VPS53: variants seen among roughly 807,000 people sequenced by gnomAD.
VPS53 encodes VPS53 subunit of GARP complex.
Under a neutral mutation model 107.0 loss-of-function variants are expected in VPS53, and 70 were observed. The observed-to-expected ratio is 0.65, with a 90% CI of 0.54 to 0.80. VPS53 has a LOEUF of 0.80. VPS53 is among the 30% of genes least tolerant of loss of function. VPS53 has a pLI of 0.00. For synonymous variants in VPS53, 409 were observed against 393.3 expected (o/e 1.04, Z -0.47); for missense variants, 917 against 1,049.4 (o/e 0.87, Z 1.74).
At chr17:687,720 AAAGT>A (rs1295223209) in intron 4 of VPS53, among the ~76,000 whole-genome samples, 4 of 152,214 alleles carry the variant, frequency 2.6e-5, no homozygotes, top group African/African-American at 9.6e-5. Flanking sequence ...CCTGGGCAAC[AAAGT>A]AAGACCCTGT....
In VPS53 at chr17:646,386, G is replaced by A. The variant is rs989370619; in HGVS notation, c.608+6905C>T. ...GGCTCCCACACACATCTCCGTGACC[G>A]TGTGGCCACTGCCTCCTAAGGGTCT... On this transcript the variant is annotated intron_variant, in intron 7 of 21. Coordinates refer to ENST00000437048, the MANE Select transcript of VPS53 (RefSeq NM_001128159.3). Among the ~76,000 whole-genome samples, 128 of 117,718 alleles carry A rather than the reference G, an allele frequency of 1.1e-3. 11 individuals carry two copies. Among genetic ancestry groups the A allele is most frequent in the African/African-American group, 2.9e-3 (100 of 34,736 alleles). The allele number at this position is 117,718 out of a possible 152,430, so 77.2% of individuals were successfully genotyped here. A position where few individuals can be genotyped will look rare whatever the true frequency, so the allele number is the denominator to read the frequency against.
chr17:548,983 T>A (rs758366045), intron 17 of VPS53, among the ~76,000 whole-genome samples: 1 of 152,214 alleles, frequency 6.6e-6, no homozygotes, highest in Non-Finnish European at 1.5e-5. Context: ...ATTTTGTACT[T>A]TTCTTATGGC....
intron 17 of VPS53, among the ~76,000 whole-genome samples, chr17:546,708 C>T (rs553070570): frequency 2.8e-4 from 42 of 151,984 alleles, no homozygotes; most frequent in Non-Finnish European, 6.2e-4. Flanking sequence ...AAAAGGAAAA[C>T]AAGTGTGGGA....
intron 2 of VPS53, among the ~76,000 whole-genome samples, chr17:709,198 G>A (rs1973538445): frequency 7.9e-6 from 1 of 125,866 alleles, no homozygotes; most frequent in Non-Finnish European, 1.9e-5. Flanking sequence ...GCTCTGTCAC[G>A]GAACCTGCCT....
At chr17:658,812 T>G (rs1971321640) in intron 5 of VPS53, among the ~76,000 whole-genome samples, 1 of 152,128 alleles carries the variant, frequency 6.6e-6, no homozygotes, top group African/African-American at 2.4e-5. Flanking sequence ...GATAGATACA[T>G]CCCACTGAAG....
chr17:666,935 A>T (rs1971715967), intron 4 of VPS53, among the ~76,000 whole-genome samples: 1 of 152,058 alleles, frequency 6.6e-6, no homozygotes, highest in African/African-American at 2.4e-5. Flanking sequence ...AAAAATGAAG[A>T]CAGCTGCTAC....
At chr17:548,205 C>T (rs1164741273) in intron 17 of VPS53, among the ~76,000 whole-genome samples, 15 of 152,362 alleles carry the variant, frequency 9.8e-5, no homozygotes, top group Non-Finnish European at 1.6e-4. Flanking sequence ...ATAATGAAAG[C>T]TCTATATGCC....
intron 4 of VPS53, among the ~76,000 whole-genome samples, chr17:683,370 T>TA (rs541959550): frequency 2.5e-4 from 38 of 149,490 alleles, no homozygotes; most frequent in Non-Finnish European, 4.3e-4. Flanking sequence ...TTTAAAGTAC[T>TA]AAAAAAAAAT....
chr17:711,886 G>A, intron 1 of VPS53, among the ~76,000 whole-genome samples: 1 of 149,356 alleles, frequency 6.7e-6, no homozygotes. Flanking sequence ...GCGCGATCTT[G>A]GTTCACTACA....
intron 18 of VPS53, 42 bp downstream of exon 18, chr17:536,986 A>AAT: frequency 1.2e-6 from 2 of 1,607,336 alleles, no homozygotes; most frequent in East Asian, 4.5e-5. Flanking sequence ...AAGTCTATTA[A>AAT]AAAGAACAAG....
chr17:558,879 C>A (rs981063585), intron 15 of VPS53, among the ~76,000 whole-genome samples: 1 of 151,344 alleles, frequency 6.6e-6, no homozygotes, highest in Non-Finnish European at 1.5e-5. Flanking sequence ...TCTATAATCC[C>A]AGCTACTCAG....
intron 12 of VPS53, among the ~76,000 whole-genome samples, chr17:591,684 C>T (rs979135336): frequency 8.6e-5 from 13 of 151,988 alleles, no homozygotes; most frequent in South Asian, 2.1e-4. Flanking sequence ...TGTAGTTGAG[C>T]GGTTTTGAGT....
chr17:709,230 C>A (rs1464898013), intron 2 of VPS53, among the ~76,000 whole-genome samples: 1 of 131,946 alleles, frequency 7.6e-6, no homozygotes, highest in Non-Finnish European at 1.8e-5. Flanking sequence ...GCAGCACGCT[C>A]TGTCACGGAA....
At chr17:569,218 G>C (rs1913823473) in intron 13 of VPS53, among the ~76,000 whole-genome samples, 1 of 152,176 alleles carries the variant, frequency 6.6e-6, no homozygotes. Context: ...CCAAGTCAGG[G>C]ACAATTTGAG....
chr17:600,075 C>G (rs968029659), intron 12 of VPS53: 7 of 152,216 alleles, frequency 4.6e-5, no homozygotes, highest in Non-Finnish European at 8.8e-5. Flanking sequence ...GGTCTTGGTC[C>G]TTACAACAGT....
chr17:679,509 G>A (rs1416622030), intron 4 of VPS53, among the ~76,000 whole-genome samples: 6 of 151,974 alleles, frequency 3.9e-5, no homozygotes, highest in Non-Finnish European at 5.9e-5. Context: ...GCAAGACTCC[G>A]TCTCAAAAAA....
intron 12 of VPS53, among the ~76,000 whole-genome samples, chr17:592,803 T>C (rs1967735706): frequency 6.6e-6 from 1 of 152,208 alleles, no homozygotes; most frequent in Non-Finnish European, 1.5e-5. Context: ...GACCTTTCTC[T>C]CTGGCTGCCC....
chr17:537,070 G>A lies in VPS53; in HGVS notation c.1973C>T (p.Ser658Phe), dbSNP rs1400539546. The A allele has an allele frequency of 6.2e-7, 1 of 1,614,214 alleles. No individual in the cohort carries two copies. Among genetic ancestry groups the A allele is most frequent in the South Asian group, 1.1e-5 (1 of 91,090 alleles). Reference protein sequence around the residue: ...NVPIIRDNLASTRKYFTQFCV... With the variant: ...NVPIIRDNLAFTRKYFTQFCV... ...GAACTGAGTGAAGTACTTGCGTGTG[G>A]AAGCCAGGTTGTCACGGATGATGGG... The change falls in exon 18 of 22, where the codon TCC becomes TTC. Residue 658 changes from serine (S) to phenylalanine (F), a missense_variant. Transcript: ENST00000437048.
At chr17:707,678 G>A (rs1454605414) in intron 2 of VPS53, among the ~76,000 whole-genome samples, 3 of 151,758 alleles carry the variant, frequency 2.0e-5, no homozygotes, top group South Asian at 2.1e-4. Context: ...GTGAGATCTC[G>A]TCTCTACTAA....
Sources: gnomAD v4.1 joint callset for allele counts (sites outside exome capture counted in the v4.1 genomes callset) on GRCh38, gnomAD v4.1.1 for gene constraint, MANE v1.5 for transcripts, NCBI Gene and HGNC (gene_info 2026-07-23, HGNC 2026-07-21) for gene names.